TTN: variants seen among roughly 807,000 people sequenced by gnomAD.
The protein encoded by TTN is titin, also known as connectin.
Under a neutral mutation model 3,223.0 loss-of-function variants are expected in TTN, and 1,525 were observed. That is an observed-to-expected ratio of 0.47 (90% CI 0.45 to 0.49). The LOEUF (loss-of-function observed/expected upper bound fraction) is 0.49, where lower values mean the gene tolerates loss of function less well. Ranked by LOEUF, TTN falls within the 20% of genes least tolerant of loss-of-function variation. The probability of loss-of-function intolerance (pLI) is 0.00; values close to 1 mark genes in which losing one functional copy is unlikely to be tolerated. For missense variants in TTN, 40,786 were observed against 43,424.0 expected, an observed-to-expected ratio of 0.94 and a Z score of 5.40; for synonymous variants, 14,094 against 15,161.0, an observed-to-expected ratio of 0.93 and a Z score of 5.17.
chr2:178,605,329 A>T, intron 279 of TTN, 34 bp from the exon 280 acceptor site: 1 of 1,534,976 alleles, frequency 6.5e-7, no homozygotes, highest in South Asian at 1.3e-5. Flanking sequence ...ACAGTAACAA[A>T]GTCATAAGGA....
chr2:178,629,291 T>C lies in TTN; in HGVS notation c.44424+10A>G. On this transcript the variant is annotated intron_variant, in intron 240 of 362. Transcript: ENST00000589042. The stretch of plus-strand genomic sequence containing the variant: ...AAGAACGGGAAAGACAAGGCATGCC[T>C]GCTTTTTACCTTATCGCTGGGCTCT... The C allele has an allele frequency of 6.2e-7, 1 of 1,611,480 alleles. No individual in the cohort carries two copies. The highest frequency in any genetic ancestry group is 8.5e-7 in the Non-Finnish European group (1 of 1,178,684).
At chr2:178,720,299 G>A (rs770558512) in intron 80 of TTN, 35 bp from the exon 81 acceptor site, 1 of 1,596,772 alleles carries the variant, frequency 6.3e-7, no homozygotes, top group Non-Finnish European at 8.5e-7. Flanking sequence ...AGGAAAAAAT[G>A]TGAGAATCAT....
chr2:178,548,846 A>G lies in TTN; in HGVS notation c.92780T>C (p.Ile30927Thr). The G allele has an allele frequency of 5.6e-6, 9 of 1,613,414 alleles. 1 individual carries two copies. The highest frequency in any genetic ancestry group is 5.5e-5 in the South Asian group (5 of 91,082). ...ATGAGTCTGTTTGAAGTTTGCATCT[A>G]TGTCTAACTCAGGAGCTGTTAACCG... is the stretch of plus-strand genomic sequence containing the variant. ...VDRLTAPELD[I>T]DANFKQTHVV... Residue 30927 changes from isoleucine (I) to threonine (T), a missense_variant, in exon 339 of 363, where the codon ATA becomes ACA. By Grantham distance (89) the Ile-to-Thr change is moderately conservative. Transcript: ENST00000589042. This position sits in a 1 kb window ranked among gnomAD's most constrained non-coding sequence, Gnocchi z 4.3.
chr2:178,719,853 C>T, intron 81 of TTN, 21 bp from the exon 82 acceptor site: 1 of 1,587,968 alleles, frequency 6.3e-7, no homozygotes, highest in Non-Finnish European at 8.6e-7. Flanking sequence ...AAGTATTTTG[C>T]ATTGAAAACA....
Position 178,583,206 on chromosome 2 carries a change from C to A in TTN, c.65597G>T (p.Ser21866Ile). 6.2e-7 allele frequency: 1 copy of A among 1,606,538 alleles called. No individual in the cohort carries two copies. The change falls in exon 313 of 363, where the codon AGT becomes ATT. Residue 21866 changes from serine (S) to isoleucine (I), a missense_variant. Coordinates refer to ENST00000589042, the MANE Select transcript of TTN (RefSeq NM_001267550.2). ...AGTAAGCAAAGATTTCATAGCCACA[C>A]TCAGGTCTATCCTGGGAGGGACTGG... is the stretch of plus-strand genomic sequence containing the variant. ...AENVPPRIDL[S>I]VAMKSLLTVK...
chr2:178,611,232 A>C lies in TTN; in HGVS notation c.50897T>G (p.Val16966Gly). ...TIDLETHDII[V>G]IEGEKLSIPV... ...AATGCTTAACTTTTCACCTTCAATA[A>C]CAATAATGTCATGAGTCTCCAGGTC... is the stretch of plus-strand genomic sequence containing the variant. Residue 16966 changes from valine (V) to glycine (G), a missense_variant, in exon 270 of 363, where the codon GTT becomes GGT. Val to Gly is a moderately radical substitution (Grantham distance 109). Transcript: ENST00000589042. 6.2e-7 allele frequency: 1 copy of C among 1,612,618 alleles called. No homozygotes were observed. Among genetic ancestry groups the C allele is most frequent in the South Asian group, 1.1e-5 (1 of 91,030 alleles).
intron 113 of TTN, among the ~76,000 whole-genome samples, chr2:178,696,694 T>G (rs776992688): frequency 5.3e-5 from 8 of 152,106 alleles, no homozygotes; most frequent in Admixed American, 2.0e-4. Context: ...TAAACCTAGG[T>G]TTTTGACTAT....
intron 359 of TTN, 25 bp from the exon 360 acceptor site, chr2:178,529,244 A>G: frequency 7.1e-7 from 1 of 1,414,114 alleles, no homozygotes; most frequent in Non-Finnish European, 9.3e-7. Context: ...TCTGTAAGGC[A>G]AACTTAATTA....
In TTN at chr2:178,582,350, A is replaced by T. The variant is rs758640229; in HGVS notation, c.66106T>A (p.Tyr22036Asn). 6.2e-7 allele frequency: 1 copy of T among 1,609,412 alleles called. No homozygotes were observed. Among genetic ancestry groups the T allele is most frequent in the Non-Finnish European group, 8.5e-7 (1 of 1,177,306 alleles). The change falls in exon 314 of 363, where the codon TAT becomes AAT. Residue 22036 changes from tyrosine (Y) to asparagine (N), a missense_variant. Coordinates refer to ENST00000589042, the MANE Select transcript of TTN (RefSeq NM_001267550.2). The stretch of plus-strand genomic sequence containing the variant: ...GTGAAGACTGGATCGCCTACTCCAT[A>T]TTTATTTTCAGCACAAATACGGAAC... Reference protein sequence around the residue: ...YQFRICAENKYGVGDPVFTEP... With the variant: ...YQFRICAENKNGVGDPVFTEP...
chr2:178,572,110 G>A lies in TTN; in HGVS notation c.74022C>T (p.Ala24674=). 6.2e-7 allele frequency: 1 copy of A among 1,613,120 alleles called. No homozygotes were observed. Among genetic ancestry groups the A allele is most frequent in the Non-Finnish European group, 8.5e-7 (1 of 1,179,490 alleles). The change falls in exon 326 of 363, where the codon GCC becomes GCT. Residue 24674 remains alanine (A), a synonymous_variant. Coordinates refer to ENST00000589042, the MANE Select transcript of TTN (RefSeq NM_001267550.2). Reference sequence around the variant, plus strand: ...CACCCTGAATTAATCCAGTGATAGTGGCTTCAGTGACCTTGACTGTGGCAC... The same window carrying A: ...CACCCTGAATTAATCCAGTGATAGTAGCTTCAGTGACCTTGACTGTGGCAC... The part of the protein sequence containing the change: ...ATCATVKVTE[A]TITGLIQGEE...
At chr2:178,645,434 A>G (rs1384922112) in intron 217 of TTN, among the ~76,000 whole-genome samples, 1 of 152,076 alleles carries the variant, frequency 6.6e-6, no homozygotes, top group Non-Finnish European at 1.5e-5. Flanking sequence ...ATATAGGCAC[A>G]TATCAGCTAC....
At chr2:178,684,194 C>A in intron 132 of TTN, 112 bp from the exon 133 acceptor site, 1 of 1,374,156 alleles carries the variant, frequency 7.3e-7, no homozygotes, top group Middle Eastern at 1.8e-4. Flanking sequence ...TTATTTCAAA[C>A]ATAAAACAAC....
chr2:178,529,062 G>A lies in TTN; in HGVS notation c.106689C>T (p.Leu35563=), dbSNP rs766528811. ...SEAKSQEKLA[L]KEEASKVLIS... ...TCAGAACCTTTGAAGCTTCCTCTTT[G>A]AGGGCTAACTTTTCTTGAGATTTTG... Residue 35563 remains leucine (L), a synonymous_variant, in exon 360 of 363, where the codon CTC becomes CTT. Transcript: ENST00000589042. 2 of 1,613,708 alleles carry A rather than the reference G, an allele frequency of 1.2e-6. No individual in the cohort carries two copies. Among genetic ancestry groups the A allele is most frequent in the South Asian group, 2.2e-5 (2 of 91,070 alleles).
At position 178,541,499 on chromosome 2, in the gene TTN, G is replaced by C. The variant is rs142907833; in HGVS notation, c.97578C>G (p.Asp32526Glu). ...MTLTWYPPED[D>E]GGSQVTGYIV... ...TATATCCAGTCACTTGGGAGCCACC[G>C]TCATCCTCTGGTGGGTACCAAGTAA... Residue 32526 changes from aspartate to glutamate, a missense_variant, in exon 350 of 363, where the codon GAC becomes GAG. By Grantham distance (45) the Asp-to-Glu change is conservative (BLOSUM62 2). Coordinates refer to ENST00000589042, the MANE Select transcript of TTN (RefSeq NM_001267550.2). The C allele has an allele frequency of 2.7e-5, 43 of 1,613,182 alleles. No individual in the cohort carries two copies. Among genetic ancestry groups the C allele is most frequent in the Non-Finnish European group, 3.6e-5 (42 of 1,179,542 alleles).
At chr2:178,747,795 C>T in intron 47 of TTN, 6 of 1,612,430 alleles carry the variant, frequency 3.7e-6, no homozygotes, top group Non-Finnish European at 5.1e-6. Context: ...GAGAAAGAAG[C>T]TTCATTCTGA....
At chr2:178,629,469 T>C (rs1040042674) in intron 239 of TTN, 26 bp from the exon 240 acceptor site, 1 of 1,611,626 alleles carries the variant, frequency 6.2e-7, no homozygotes, top group Non-Finnish European at 8.5e-7. Context: ...GAAACAGCTT[T>C]GCGTTACTCA....
At chr2:178,529,481 C>G (rs1271141622) in intron 359 of TTN, 1 of 342,382 alleles carries the variant, frequency 2.9e-6, no homozygotes, top group East Asian at 4.8e-5. Flanking sequence ...AAAGAATAGT[C>G]AACGGATTTA....
chr2:178,540,454 G>A lies in TTN; in HGVS notation c.97796-84C>T, dbSNP rs1693859791. 4.4e-6 allele frequency: 5 copies of A among 1,144,138 alleles called. No homozygotes were observed. In the South Asian group the frequency reaches 7.7e-5, roughly 18 times the overall value. The allele number at this position is 1,144,138 out of a possible 1,614,324, so 70.9% of individuals were successfully genotyped here. ...TGCCACCTAACAAATTCAATGAGTT[G>A]TTGAAACGGACTGTTAACATTAGCC... is the stretch of plus-strand genomic sequence containing the variant. On this transcript the variant is annotated intron_variant, in intron 350 of 362. Transcript: ENST00000589042.
intron 304 of TTN, 69 bp from the exon 305 acceptor site, chr2:178,588,288 A>ATTCTCAGTT: frequency 7.2e-7 from 1 of 1,383,172 alleles, no homozygotes; most frequent in Non-Finnish European, 9.7e-7. Context: ...TATATAGCCT[A>ATTCTCAGTT]TTCTCAGTTA....
Sources: gnomAD v4.1 joint callset for allele counts (sites outside exome capture counted in the v4.1 genomes callset) on GRCh38, gnomAD v4.1.1 for gene constraint, Gnocchi (gnomAD v3.1) non-coding constraint, MANE v1.5 for transcripts, NCBI Gene and HGNC (gene_info 2026-07-23, HGNC 2026-07-21) for gene names.